Variants in MICAL2 observed in about 807,000 individuals in gnomAD.
The protein encoded by MICAL2 is [F-actin]-monooxygenase MICAL2.
In MICAL2, 77 loss-of-function variants were observed where a neutral mutation model predicts 127.3. That is an observed-to-expected ratio of 0.60 (90% CI 0.50 to 0.73). The LOEUF is 0.73. Among genes scored for constraint, MICAL2 ranks in the 30% least tolerant of loss-of-function variants. MICAL2 has a pLI of 0.00. For synonymous variants in MICAL2, 570 were observed against 551.1 expected, an observed-to-expected ratio of 1.03 and a Z score of -0.48; for missense variants, 1,351 against 1,434.4, an observed-to-expected ratio of 0.94 and a Z score of 0.94.
intron 33 of MICAL2, chr11:12,349,963 C>T (rs375488534): frequency 2.8e-5 from 45 of 1,599,316 alleles, no homozygotes; most frequent in South Asian, 1.8e-4. Context: ...CAGATACCAG[C>T]GAGTCCTAAA....
intron 1 of MICAL2, among the ~76,000 whole-genome samples, chr11:12,133,263 G>C (rs953644090): frequency 6.6e-6 from 1 of 152,018 alleles, no homozygotes; most frequent in Non-Finnish European, 1.5e-5. Flanking sequence ...TGTATTTTTA[G>C]TAGAGATGGG....
intron 33 of MICAL2, among the ~76,000 whole-genome samples, chr11:12,350,542 T>A (rs954249128): frequency 6.6e-6 from 1 of 152,198 alleles, no homozygotes; most frequent in Admixed American, 6.5e-5. Flanking sequence ...TGCTTCCATT[T>A]ATGCTGTCTC....
At position 12,332,884 on chromosome 11, in the gene MICAL2, G is replaced by T. The variant is rs146800851; in HGVS notation, c.5515+5618G>T. Among the ~76,000 whole-genome samples the T allele has an allele frequency of 2.6e-5, 4 of 152,278 alleles. No homozygotes were observed. In the East Asian group the frequency reaches 5.8e-4, roughly 22 times the overall value. On this transcript the variant is annotated intron_variant, in intron 32 of 34. Transcript: ENST00000646065. ...AGGAATGGCTAAGGTTCAGAGGATGGTAGGGCCTTGCAGTTTGGCTCACTC... is the reference window on the plus strand; with the variant it reads ...AGGAATGGCTAAGGTTCAGAGGATGTTAGGGCCTTGCAGTTTGGCTCACTC...
intron 15 of MICAL2, among the ~76,000 whole-genome samples, chr11:12,234,128 C>T (rs1459616640): frequency 6.6e-6 from 1 of 152,172 alleles, no homozygotes; most frequent in East Asian, 1.9e-4. Flanking sequence ...TTAGGAGCTG[C>T]TGGTGGGCAC....
chr11:12,254,911 C>CTTTTTTTTTTTTTTTTTTTTTT (rs56183672), intron 22 of MICAL2: 1 of 63,136 alleles, frequency 1.6e-5, no homozygotes, highest in Non-Finnish European at 3.1e-5. Context: ...ACCACCTTAA[C>CTTTTTTTTTTTTTTTTTTTTTT]TTTTTTTTTT....
chr11:12,329,862 G>GAAAAAAAAA lies in MICAL2; in HGVS notation c.5515+2609_5515+2617dup, dbSNP rs59395634. Among the ~76,000 whole-genome samples, 29 of 121,930 alleles carry GAAAAAAAAA rather than the reference G, an allele frequency of 2.4e-4. 1 individual carries two copies. Among genetic ancestry groups the GAAAAAAAAA allele is most frequent in the African/African-American group, 6.0e-4 (18 of 29,998 alleles). 80.0% of individuals were successfully genotyped at this position (121,930 alleles called of 152,430 possible). On this transcript the variant is annotated intron_variant, in intron 32 of 34. Coordinates refer to the MICAL2 transcript ENST00000646065. ...GAAAATCTTCCTCATCCCCAAATAT[G>GAAAAAAAAA]AAAAAAAAAAAAAAAAAAAAAGAAA... is the stretch of plus-strand genomic sequence containing the variant.
chr11:12,285,659 C>T (rs1590720970), intron 2 of MICAL2, among the ~76,000 whole-genome samples: 1 of 152,246 alleles, frequency 6.6e-6, no homozygotes, highest in East Asian at 1.9e-4. Context: ...AAGAGAGGAG[C>T]TGAAGGAGCT....
intron 24 of MICAL2, 42 bp downstream of exon 24, chr11:12,257,013 C>T (rs372328162): frequency 1.3e-6 from 2 of 1,563,054 alleles, no homozygotes; most frequent in Non-Finnish European, 1.7e-6. Context: ...CTGGCCTTGG[C>T]CTCAGGTGTG....
At chr11:12,227,481 C>T (rs77724266) in intron 15 of MICAL2, among the ~76,000 whole-genome samples, 1,840 of 152,260 alleles carry the variant, frequency 0.012, 34 homozygotes, top group African/African-American at 0.042. Context: ...TGGAACATGA[C>T]GGCCATCAGT....
chr11:12,261,402 G>A (rs531400279), intron 26 of MICAL2: 2 of 985,382 alleles, frequency 2.0e-6, no homozygotes, highest in Admixed American at 6.1e-5. Flanking sequence ...GTAAAAATGA[G>A]CATGCAGGTC....
intron 9 of MICAL2, among the ~76,000 whole-genome samples, chr11:12,221,166 T>A (rs1950389817): frequency 6.6e-6 from 1 of 152,088 alleles, no homozygotes; most frequent in Non-Finnish European, 1.5e-5. Context: ...TGGCCCAGAC[T>A]CCTTTCCCAG....
At chr11:12,134,859 G>C (rs1851712728) in intron 1 of MICAL2, among the ~76,000 whole-genome samples, 1 of 152,200 alleles carries the variant, frequency 6.6e-6, no homozygotes, top group Non-Finnish European at 1.5e-5. Context: ...GGATACATTG[G>C]AAGGTTTCGA....
chr11:12,242,724 G>C lies in MICAL2; in HGVS notation c.2610G>C (p.Glu870Asp), dbSNP rs1194782742. 1 of 1,612,082 alleles carries C rather than the reference G, an allele frequency of 6.2e-7. No individual in the cohort carries two copies. Residue 870 changes from glutamate (E) to aspartate (D), a missense_variant, in exon 20 of 28, where the codon GAG (glutamate) becomes GAC (aspartate). Transcript: ENST00000683283. ...AATTTCACACAAAGAACATTAAGGA[G>C]AAGGCGGCTCACCTTGCCTCCATGT... Reference protein sequence around the residue: ...NREFHTKNIKEKAAHLASMFG... With the variant: ...NREFHTKNIKDKAAHLASMFG...
Position 12,158,510 on chromosome 11 carries a change from A to G in MICAL2, c.-77-3569A>G, listed in dbSNP as rs527989487. Among the ~76,000 whole-genome samples the G allele has an allele frequency of 6.6e-5, 10 of 152,312 alleles. No individual in the cohort carries two copies. In the East Asian group the frequency reaches 1.5e-3, roughly 23 times the overall value. ...GGATTGAAAATATTCAGGAAAAAAA[A>G]AAAACAGATAATTTCATCTGTACTG... is the stretch of plus-strand genomic sequence containing the variant. On this transcript the variant is annotated intron_variant, in intron 2 of 27. Coordinates refer to ENST00000683283, the MANE Select transcript of MICAL2 (RefSeq NM_001282663.2).
At chr11:12,281,939 C>T (rs763332280) in intron 2 of MICAL2, among the ~76,000 whole-genome samples, 1 of 152,190 alleles carries the variant, frequency 6.6e-6, no homozygotes, top group Non-Finnish European at 1.5e-5. Context: ...TGGGAAGAAA[C>T]AGTCTAACCT....
At chr11:12,221,526 CCT>C in intron 9 of MICAL2, 116 bp from the exon 10 acceptor site, 2 of 645,258 alleles carry the variant, frequency 3.1e-6, no homozygotes, top group Non-Finnish European at 5.4e-6. Context: ...TGCCCTGTCA[CCT>C]CTCTGTCCCT....
intron 13 of MICAL2, 134 bp downstream of exon 13, chr11:12,224,954 C>T: frequency 1.7e-6 from 2 of 1,163,596 alleles, no homozygotes; most frequent in South Asian, 1.6e-5. Flanking sequence ...AACATTTGTT[C>T]TTTTCCCTTT....
intron 26 of MICAL2, chr11:12,262,257 C>G (rs547545760): frequency 1.4e-6 from 2 of 1,410,222 alleles, no homozygotes; most frequent in African/African-American, 2.9e-5. Flanking sequence ...AAGATGCAAA[C>G]TGTGTGCATC....
At chr11:12,212,250 T>C (rs920794911) in intron 6 of MICAL2, among the ~76,000 whole-genome samples, 2 of 152,124 alleles carry the variant, frequency 1.3e-5, no homozygotes, top group African/African-American at 4.8e-5. Flanking sequence ...ATGTAAATCA[T>C]TGAAAACAAG....
Sources: gnomAD v4.1 joint callset for allele counts (sites outside exome capture counted in the v4.1 genomes callset) on GRCh38, gnomAD v4.1.1 for gene constraint, MANE v1.5 for transcripts, NCBI Gene and HGNC (gene_info 2026-07-23, HGNC 2026-07-21) for gene names.